The following APOLD1 variants were observed in gnomAD, a reference collection of about 807,000 sequenced individuals.
APOLD1 encodes apolipoprotein L domain-containing protein 1.
APOLD1 carries 22 observed loss-of-function variants against 15.3 expected under a neutral mutation model. That is an observed-to-expected ratio of 1.44 (90% CI 1.03 to 2.05). The LOEUF (loss-of-function observed/expected upper bound fraction) is 2.05, where lower values mean the gene tolerates loss of function less well. APOLD1 is among the 30% of genes most tolerant of loss of function. The pLI, the probability that APOLD1 is intolerant of heterozygous loss-of-function variation, is 0.00. For missense variants in APOLD1, 394 were observed against 353.5 expected (o/e 1.11, Z -0.92); for synonymous variants, 190 against 167.4 (o/e 1.13, Z -1.04).
chr12:12,759,708 G>A (rs780629008), intron 1 of APOLD1, among the ~76,000 whole-genome samples: 37 of 152,160 alleles, frequency 2.4e-4, no homozygotes, highest in Admixed American at 4.6e-4. Flanking sequence ...CTGCCTTGAC[G>A]TCAGTATATC....
chr12:12,761,958 C>A (rs1170787240), intron 1 of APOLD1, among the ~76,000 whole-genome samples: 4 of 151,922 alleles, frequency 2.6e-5, no homozygotes, highest in Admixed American at 1.3e-4. Flanking sequence ...GACCCAGCCT[C>A]CCAAGTAGCT....
chr12:12,787,901 C>T lies in APOLD1; in HGVS notation c.*249C>T. On this transcript the variant is annotated 3_prime_UTR_variant, in exon 2 of 2. Transcript: ENST00000356591. The surrounding 1 kb of genome is among the most constrained non-coding windows in gnomAD (Gnocchi z 4.9). ...AAAATGTGACCCAAAAACTCTTTTT[C>T]CTTTATCAAAAACTTTCTGTCTAAA... is the stretch of plus-strand genomic sequence containing the variant. The T allele has an allele frequency of 2.0e-6, 1 of 499,762 alleles. No homozygotes were observed. Among genetic ancestry groups the T allele is most frequent in the South Asian group, 2.9e-5 (1 of 34,394 alleles). 31.0% of individuals were successfully genotyped at this position (499,762 alleles called of 1,614,324 possible). A position where few individuals can be genotyped will look rare whatever the true frequency, so the allele number is the denominator to read the frequency against.
intron 1 of APOLD1, among the ~76,000 whole-genome samples, chr12:12,761,862 G>GAGAGAGAGAGAGAGAT (rs1946903390): frequency 6.8e-6 from 1 of 146,598 alleles, no homozygotes; most frequent in Non-Finnish European, 1.5e-5. Flanking sequence ...GAGAGAGAGA[G>GAGAGAGAGAGAGAGAT]TCTTGCTCTG....
chr12:12,744,170 G>A (rs1038287263), intron 1 of APOLD1, among the ~76,000 whole-genome samples: 12 of 151,984 alleles, frequency 7.9e-5, no homozygotes, highest in African/African-American at 2.9e-4. Context: ...AAATTAGCAA[G>A]GAACGGTGTG....
intron 1 of APOLD1, among the ~76,000 whole-genome samples, chr12:12,766,857 AAAAC>A (rs1946946500): frequency 6.6e-6 from 1 of 152,140 alleles, no homozygotes; most frequent in Non-Finnish European, 1.5e-5. Context: ...AAAAAACAAC[AAAAC>A]AAACTAAAAC....
chr12:12,756,373 T>C (rs2136383118), intron 1 of APOLD1, among the ~76,000 whole-genome samples: 1 of 152,380 alleles, frequency 6.6e-6, no homozygotes, highest in South Asian at 2.1e-4. Flanking sequence ...TTATGAACGC[T>C]GGCACCTTTT....
upstream of APOLD1, among the ~76,000 whole-genome samples, chr12:12,783,990 A>AT (rs879742363): frequency 2.2e-4 from 33 of 151,702 alleles, no homozygotes; most frequent in Middle Eastern, 3.4e-3. Flanking sequence ...AATTAACTCA[A>AT]TTTTTTTTGC....
upstream of APOLD1, chr12:12,785,614 T>G (rs1947117451): frequency 3.7e-6 from 6 of 1,613,978 alleles, no homozygotes; most frequent in African/African-American, 1.3e-5. Context: ...AGGGCAGCCA[T>G]TGGTTCTCTG....
intron 1 of APOLD1, among the ~76,000 whole-genome samples, chr12:12,748,243 A>C (rs894182987): frequency 3.3e-5 from 5 of 152,196 alleles, no homozygotes; most frequent in African/African-American, 9.6e-5. Context: ...TTAGTGAGAG[A>C]TTGGCTTCCA....
Position 12,738,390 on chromosome 12 carries a change from G to C in APOLD1, c.96+12294G>C, listed in dbSNP as rs1219298420. Among the ~76,000 whole-genome samples, 3 of 151,832 alleles carry C rather than the reference G, an allele frequency of 2.0e-5. No individual in the cohort carries two copies. The East Asian group carries it at 5.8e-4, about 29-fold the overall frequency. On this transcript the variant is annotated intron_variant, in intron 1 of 1. Transcript: ENST00000326765. ...CACCTGGCTAATTTTAAATTTTTTAGAGATGGGGTCTCACTATGTTGCCCT... is the reference window on the plus strand; with the variant it reads ...CACCTGGCTAATTTTAAATTTTTTACAGATGGGGTCTCACTATGTTGCCCT...
At position 12,787,000 on chromosome 12, in the gene APOLD1, A is replaced by C; in HGVS notation, c.95A>C (p.His32Pro). 3 of 1,416,976 alleles carry C rather than the reference A, an allele frequency of 2.1e-6. No homozygotes were observed. The highest frequency in any genetic ancestry group is 2.7e-6 in the Non-Finnish European group (3 of 1,096,956). The allele number at this position is 1,416,976 out of a possible 1,614,324, so 87.8% of individuals were successfully genotyped here. The change falls in exon 2 of 2, where the codon CAC becomes CCC. Residue 32 changes from histidine (H) to proline (P), a missense_variant. By Grantham distance (77) the His-to-Pro change is moderately conservative (BLOSUM62 -2). Coordinates refer to ENST00000356591, the MANE Select transcript of APOLD1 (RefSeq NM_030817.3). Reference protein sequence around the residue: ...GLLLDRRGRLHGQVLRLREVA... With the variant: ...GLLLDRRGRLPGQVLRLREVA... ...CTGCTGGACCGCCGAGGCCGGCTGC[A>C]CGGCCAGGTGCTGCGCCTGCGCGAG...
chr12:12,742,749 G>A (rs1946737600), intron 1 of APOLD1, among the ~76,000 whole-genome samples: 1 of 129,482 alleles, frequency 7.7e-6, no homozygotes, highest in South Asian at 2.8e-4. Flanking sequence ...GGGCGACAGA[G>A]CAAGACTCCA....
chr12:12,755,744 G>A (rs1946852905), intron 1 of APOLD1, among the ~76,000 whole-genome samples: 3 of 152,240 alleles, frequency 2.0e-5, no homozygotes, highest in Admixed American at 6.5e-5. Flanking sequence ...CAGAGGCTGA[G>A]ATGGGAGGAT....
chr12:12,786,905 G>A lies in APOLD1; in HGVS notation c.4-4G>A, dbSNP rs1392996911. On this transcript the variant is annotated splice_polypyrimidine_tract_variant and splice_region_variant and intron_variant, in intron 1 of 1. Coordinates refer to ENST00000356591, the MANE Select transcript of APOLD1 (RefSeq NM_030817.3). ...AGGCTGACCGCGTGTCTATGTCCCC[G>A]CAGGGAATGGAGAGGCCGGCGGCCC... 5 of 1,427,846 alleles carry A rather than the reference G, an allele frequency of 3.5e-6. No individual in the cohort carries two copies. Among genetic ancestry groups the A allele is most frequent in the South Asian group, 1.5e-5 (1 of 68,232 alleles). 88.4% of individuals were successfully genotyped at this position (1,427,846 alleles called of 1,614,324 possible). A position where few individuals can be genotyped will look rare whatever the true frequency, so the allele number is the denominator to read the frequency against.
At chr12:12,761,835 A>ATATATATATATATATAT (rs1565432774) in intron 1 of APOLD1, among the ~76,000 whole-genome samples, 2 of 123,414 alleles carry the variant, frequency 1.6e-5, no homozygotes, top group African/African-American at 9.2e-5. Flanking sequence ...ATGTATAGAG[A>ATATATATATATATATAT]GAGAGAGAGA....
upstream of APOLD1, among the ~76,000 whole-genome samples, chr12:12,783,049 T>A (rs1442732171): frequency 6.6e-6 from 1 of 151,004 alleles, no homozygotes; most frequent in Non-Finnish European, 1.5e-5. Flanking sequence ...CTACTAAAAA[T>A]ACAAAAATTA....
intron 1 of APOLD1, 125 bp from the exon 2 acceptor site, chr12:12,786,784 C>A: frequency 7.7e-7 from 1 of 1,302,208 alleles, no homozygotes; most frequent in Non-Finnish European, 9.7e-7. Context: ...CAGACCCGTT[C>A]CCCTAGCGTG....
exon 1 of APOLD1, chr12:12,726,043 C>G (rs1222553101): frequency 6.5e-7 from 1 of 1,538,494 alleles, no homozygotes; most frequent in Admixed American, 2.0e-5. Flanking sequence ...CAGGGGTACT[C>G]GGAAGGCGCG....
chr12:12,746,290 G>A (rs1479740592), intron 1 of APOLD1, among the ~76,000 whole-genome samples: 1 of 152,228 alleles, frequency 6.6e-6, no homozygotes, highest in Non-Finnish European at 1.5e-5. Context: ...GAGGTCAGGA[G>A]TTCGAGACCA....
Sources: gnomAD v4.1 joint callset for allele counts (sites outside exome capture counted in the v4.1 genomes callset) on GRCh38, gnomAD v4.1.1 for gene constraint, Gnocchi (gnomAD v3.1) non-coding constraint, MANE v1.5 for transcripts, NCBI Gene and HGNC (gene_info 2026-07-23, HGNC 2026-07-21) for gene names.